SUGCT: variants seen among roughly 807,000 people sequenced by gnomAD.
SUGCT encodes the protein succinyl-CoA:glutarate CoA-transferase.
A neutral mutation model predicts 55.0 loss-of-function variants in SUGCT; 41 were observed. The observed-to-expected ratio is 0.74, with a 90% confidence interval of 0.58 to 0.97. The LOEUF is 0.97. SUGCT is among the 50% of genes least tolerant of loss of function. The pLI is 0.00. For synonymous variants in SUGCT, 187 were observed against 200.4 expected, an observed-to-expected ratio of 0.93 and a Z score of 0.56; for missense variants, 568 against 547.8, an observed-to-expected ratio of 1.04 and a Z score of -0.37.
intron 8 of SUGCT, among the ~76,000 whole-genome samples, chr7:40,311,196 A>G (rs1295636843): frequency 6.6e-6 from 1 of 152,144 alleles, no homozygotes; most frequent in Non-Finnish European, 1.5e-5. Context: ...AACCTTTCAC[A>G]TGCTCTGTCT....
chr7:40,265,616 T>C (rs1211364329), intron 7 of SUGCT, among the ~76,000 whole-genome samples: 1 of 152,130 alleles, frequency 6.6e-6, no homozygotes, highest in African/African-American at 2.4e-5. Flanking sequence ...TTAAAATATT[T>C]AATTTTGTGA....
intron 9 of SUGCT, among the ~76,000 whole-genome samples, chr7:40,429,971 C>T (rs1183839366): frequency 6.6e-6 from 1 of 152,122 alleles, no homozygotes; most frequent in Non-Finnish European, 1.5e-5. Context: ...ATGATATCCT[C>T]CAGGCTTATC....
the SUGCT span, among the ~76,000 whole-genome samples, chr7:40,871,287 T>G: frequency 1.3e-5 from 2 of 152,222 alleles, no homozygotes; most frequent in Non-Finnish European, 2.9e-5. Flanking sequence ...ATCTTCCTTT[T>G]ATGCTCTTGG....
At chr7:40,785,503 G>A (rs1382965690) in intron 13 of SUGCT, among the ~76,000 whole-genome samples, 1 of 152,150 alleles carries the variant, frequency 6.6e-6, no homozygotes, top group Non-Finnish European at 1.5e-5. Context: ...AAGCCTCCAA[G>A]GCTTGGTCAC....
chr7:40,853,630 G>C (rs975126778), intron 13 of SUGCT, among the ~76,000 whole-genome samples: 2 of 152,152 alleles, frequency 1.3e-5, no homozygotes, highest in Non-Finnish European at 2.9e-5. Context: ...TTCCTAAAGT[G>C]CTGGGATTAC....
At chr7:40,825,089 A>G (rs994968532) in intron 13 of SUGCT, among the ~76,000 whole-genome samples, 36 of 152,152 alleles carry the variant, frequency 2.4e-4, no homozygotes, top group Admixed American at 2.3e-3. Flanking sequence ...GGGAAGAGAG[A>G]TGTTAAAGGT....
intron 9 of SUGCT, among the ~76,000 whole-genome samples, chr7:40,412,305 G>T (rs1297700320): frequency 6.6e-6 from 1 of 152,180 alleles, no homozygotes; most frequent in Non-Finnish European, 1.5e-5. Flanking sequence ...TAGACTGCTT[G>T]TTTCTTATTG....
intron 12 of SUGCT, among the ~76,000 whole-genome samples, chr7:40,536,031 TGTTGA>T (rs1794343415): frequency 6.6e-6 from 1 of 152,220 alleles, no homozygotes. Flanking sequence ...GTTTTTTGCT[TGTTGA>T]GTTATTAAAA....
chr7:40,152,429 A>G (rs1244188926), intron 1 of SUGCT: 4 of 165,792 alleles, frequency 2.4e-5, no homozygotes, highest in East Asian at 1.6e-4. Flanking sequence ...GATTTCAACT[A>G]TTGGAGCCAG....
At chr7:40,944,131 G>GT in the SUGCT span, among the ~76,000 whole-genome samples, 2 of 152,192 alleles carry the variant, frequency 1.3e-5, no homozygotes, top group African/African-American at 4.8e-5. Context: ...GGGGTTGTTT[G>GT]TTTTTTTCTT....
At chr7:40,272,070 T>A (rs1312933750) in intron 7 of SUGCT, among the ~76,000 whole-genome samples, 2 of 16,644 alleles carry the variant, frequency 1.2e-4, no homozygotes, top group East Asian at 8.8e-4. Context: ...TCTGTCTCGC[T>A]CTCTCTCTCT....
At chr7:40,156,351 T>A (rs1783896952) in intron 1 of SUGCT, among the ~76,000 whole-genome samples, 1 of 152,038 alleles carries the variant, frequency 6.6e-6, no homozygotes, top group African/African-American at 2.4e-5. Flanking sequence ...TAGTCGCAGC[T>A]ACTCAGGAGG....
intron 12 of SUGCT, among the ~76,000 whole-genome samples, chr7:40,545,576 T>G (rs977139432): frequency 6.6e-5 from 10 of 152,276 alleles, no homozygotes; most frequent in Non-Finnish European, 1.5e-5. Flanking sequence ...ACATTAACGC[T>G]GTTAGATCCA....
intron 12 of SUGCT, among the ~76,000 whole-genome samples, chr7:40,574,837 C>T (rs1326896034): frequency 6.6e-6 from 1 of 152,154 alleles, no homozygotes; most frequent in Non-Finnish European, 1.5e-5. Context: ...GTAGGACTTG[C>T]TTCTGTGGAC....
At chr7:40,392,354 G>A (rs570681833) in intron 9 of SUGCT, among the ~76,000 whole-genome samples, 16 of 152,142 alleles carry the variant, frequency 1.1e-4, no homozygotes, top group African/African-American at 3.4e-4. Context: ...GAAATGCACA[G>A]GCTGTCATGG....
At chr7:40,710,289 A>G (rs1202254863) in intron 12 of SUGCT, among the ~76,000 whole-genome samples, 1 of 152,234 alleles carries the variant, frequency 6.6e-6, no homozygotes, top group African/African-American at 2.4e-5. Context: ...ACATTTCTAC[A>G]GACACAACCT....
intron 11 of SUGCT, among the ~76,000 whole-genome samples, chr7:40,475,861 T>C (rs1169664317): frequency 1.3e-5 from 2 of 152,170 alleles, no homozygotes; most frequent in Non-Finnish European, 2.9e-5. Context: ...ACCCAAATAA[T>C]TGATCTATAA....
the SUGCT span, among the ~76,000 whole-genome samples, chr7:40,960,401 T>C: frequency 5.9e-5 from 9 of 152,326 alleles, no homozygotes; most frequent in Admixed American, 2.0e-4. Context: ...TCAGTCATGG[T>C]ACATAAATGA....
At chr7:40,160,361 T>G (rs927735989) in intron 1 of SUGCT, among the ~76,000 whole-genome samples, 1 of 152,230 alleles carries the variant, frequency 6.6e-6, no homozygotes, top group Non-Finnish European at 1.5e-5. Flanking sequence ...CCCAAGTAGC[T>G]GGGATTACAG....
Sources: allele counts gnomAD v4.1 joint callset (sites outside exome capture counted in the v4.1 genomes callset), GRCh38; gene constraint gnomAD v4.1.1; transcripts MANE v1.5; gene names NCBI Gene and HGNC (gene_info 2026-07-23, HGNC 2026-07-21).